AP4S1: variants seen among roughly 807,000 people sequenced by gnomAD.
AP4S1 encodes the protein adaptor related protein complex 4 subunit sigma 1, also known as AP-4 complex subunit sigma-1.
In AP4S1, 23 loss-of-function variants were observed where a neutral mutation model predicts 19.8. The ratio of observed to expected loss-of-function variants is 1.16; its 90% CI spans 0.84 to 1.65. AP4S1 has a LOEUF of 1.65. AP4S1 is among the 40% of genes most tolerant of loss of function. The pLI is 0.00. For synonymous variants in AP4S1, 46 were observed against 54.1 expected (o/e 0.85, Z 0.66); for missense variants, 166 against 172.8 (o/e 0.96, Z 0.22).
At chr14:31,030,265 A>G (rs1272502035) in intron 1 of AP4S1, among the ~76,000 whole-genome samples, 1 of 152,168 alleles carries the variant, frequency 6.6e-6, no homozygotes, top group African/African-American at 2.4e-5. Context: ...GGCCTTATCT[A>G]ATAGTTTTTA....
chr14:31,026,277 AGGCC>A, intron 1 of AP4S1: 1 of 1,286,384 alleles, frequency 7.8e-7, no homozygotes, highest in Non-Finnish European at 9.9e-7. Flanking sequence ...TGCGGGGCGG[AGGCC>A]GGCCGGGAGA....
At chr14:31,028,976 T>G (rs1025322594) in intron 1 of AP4S1, among the ~76,000 whole-genome samples, 1 of 152,210 alleles carries the variant, frequency 6.6e-6, no homozygotes, top group Non-Finnish European at 1.5e-5. Flanking sequence ...TTATAACTGG[T>G]AACTTGAGCT....
In AP4S1 at chr14:31,067,284, T is replaced by A. The variant is rs184347030; in HGVS notation, c.138+950T>A. Among the ~76,000 whole-genome samples, 220 of 152,110 alleles carry A rather than the reference T, an allele frequency of 1.4e-3. 1 individual carries two copies. Among genetic ancestry groups the A allele is most frequent in the African/African-American group, 4.8e-3 (201 of 41,478 alleles). On this transcript the variant is annotated intron_variant, in intron 2 of 5. Coordinates refer to ENST00000542754, the MANE Select transcript of AP4S1 (RefSeq NM_001128126.3). ...TTTTTTTAATTTAATAGTTTTTTTT[T>A]ATTATACTTTTAAGTTCTAGGGTAC... is the stretch of plus-strand genomic sequence containing the variant.
rs1887044601 is a variant in AP4S1 at position 31,072,098 on chromosome 14, G to A, written c.226-807G>A. On this transcript the variant is annotated intron_variant, in intron 3 of 5. Transcript: ENST00000542754. ...TGGGATTACAAGCATGTGCCACCAT[G>A]CCCAGCTAATTTTTGTATTTTTAGT... 3.3e-5 allele frequency among the ~76,000 whole-genome samples: 5 copies of A among 151,388 alleles called. No homozygotes were observed. In the South Asian group the frequency reaches 1.0e-3, roughly 32 times the overall value.
chr14:31,055,889 G>A (rs1446355788), intron 1 of AP4S1, among the ~76,000 whole-genome samples: 1 of 151,040 alleles, frequency 6.6e-6, no homozygotes, highest in Non-Finnish European at 1.5e-5. Flanking sequence ...TGTTACCCAG[G>A]CTGGAGTGCA....
intron 4 of AP4S1, among the ~76,000 whole-genome samples, chr14:31,074,345 A>G (rs1594696120): frequency 1.4e-5 from 2 of 140,820 alleles, no homozygotes; most frequent in East Asian, 4.3e-4. Flanking sequence ...ATAAATAAAT[A>G]AATAAATAAA....
At chr14:31,047,309 C>T (rs1442037317) in intron 1 of AP4S1, among the ~76,000 whole-genome samples, 2 of 150,268 alleles carry the variant, frequency 1.3e-5, no homozygotes, top group Non-Finnish European at 3.0e-5. Flanking sequence ...TTAATAGTGT[C>T]TTACGTGGGT....
chr14:31,078,530 A>G (rs541603389), intron 4 of AP4S1, among the ~76,000 whole-genome samples: 47 of 152,298 alleles, frequency 3.1e-4, no homozygotes, highest in Middle Eastern at 6.8e-3. Context: ...GCTGACCATG[A>G]TTAGCCATTT....
At chr14:31,070,623 A>C (rs1369220152) in intron 3 of AP4S1, among the ~76,000 whole-genome samples, 1 of 152,224 alleles carries the variant, frequency 6.6e-6, no homozygotes, top group African/African-American at 2.4e-5. Context: ...GGATTAGATC[A>C]GGAGCTTGCA....
At chr14:31,032,337 C>T (rs574172759) in intron 1 of AP4S1, among the ~76,000 whole-genome samples, 1 of 152,042 alleles carries the variant, frequency 6.6e-6, no homozygotes, top group African/African-American at 2.4e-5. Context: ...AGGAACTTTT[C>T]GTATTTCATG....
At chr14:31,076,597 C>G (rs141486184) in intron 4 of AP4S1, among the ~76,000 whole-genome samples, 1,571 of 152,250 alleles carry the variant, frequency 0.01, 26 homozygotes, top group African/African-American at 0.034. Context: ...AAAATATTTT[C>G]TCCCATTCCT....
Position 31,039,878 on chromosome 14 carries a change from C to T in AP4S1, c.-72+14091C>T, listed in dbSNP as rs190968831. On this transcript the variant is annotated intron_variant, in intron 1 of 5. Coordinates refer to ENST00000542754, the MANE Select transcript of AP4S1 (RefSeq NM_001128126.3). ...TGCTGGGATTACAGGCGTGAGCCAC[C>T]GCGCCCGGCCAATAGGTGTAGTTTT... 2.4e-3 allele frequency among the ~76,000 whole-genome samples: 364 copies of T among 152,144 alleles called. 3 individuals carry two copies. Among genetic ancestry groups the T allele is most frequent in the African/African-American group, 8.4e-3 (347 of 41,518 alleles).
chr14:31,082,074 A>G (rs1184767512), intron 5 of AP4S1, among the ~76,000 whole-genome samples: 1 of 152,102 alleles, frequency 6.6e-6, no homozygotes, highest in African/African-American at 2.4e-5. Flanking sequence ...TTTCTGGGGA[A>G]ATTGCTATTT....
chr14:31,078,014 G>A (rs1321838114), intron 4 of AP4S1, among the ~76,000 whole-genome samples: 2 of 152,148 alleles, frequency 1.3e-5, no homozygotes, highest in East Asian at 1.9e-4. Context: ...GATTACAGGC[G>A]TGAGCCACCG....
At chr14:31,072,745 G>C (rs1179669384) in intron 3 of AP4S1, among the ~76,000 whole-genome samples, 160 bp from the exon 4 acceptor site, 1 of 152,204 alleles carries the variant, frequency 6.6e-6, no homozygotes, top group Non-Finnish European at 1.5e-5. Context: ...GTGAGTGATA[G>C]AACTGTTCTG....
chr14:31,035,563 A>T (rs79767107), intron 1 of AP4S1, among the ~76,000 whole-genome samples: 23,183 of 151,044 alleles, frequency 0.15, 1,918 homozygotes, highest in South Asian at 0.25. Context: ...ACAATTTTTT[A>T]AAAAAAAGAT....
Position 31,069,852 on chromosome 14 carries a change from A to G in AP4S1, c.148A>G (p.Ile50Val), listed in dbSNP as rs201008573. The G allele has an allele frequency of 6.2e-7, 1 of 1,612,280 alleles. No homozygotes were observed. Among genetic ancestry groups the G allele is most frequent in the South Asian group, 1.1e-5 (1 of 91,038 alleles). The change falls in exon 3 of 6, where the codon ATT becomes GTT. Residue 50 changes from isoleucine (I) to valine (V), a missense_variant. Ile to Val is a conservative substitution (Grantham distance 29). Coordinates refer to ENST00000542754, the MANE Select transcript of AP4S1 (RefSeq NM_001128126.3). ...ATTGTGTTTTGTCTAGTGCTCTTTC[A>G]TTGAATATAAGGATTTTAAGCTGAT... ...LSRSNEQCSF[I>V]EYKDFKLIYR... is the part of the protein sequence containing the mutation.
chr14:31,050,371 T>G (rs1049434384), intron 1 of AP4S1, among the ~76,000 whole-genome samples: 6 of 152,174 alleles, frequency 3.9e-5, no homozygotes, highest in African/African-American at 1.2e-4. Flanking sequence ...ATTTGTTTAT[T>G]TTTTTACTTG....
intron 5 of AP4S1, among the ~76,000 whole-genome samples, chr14:31,091,236 T>C (rs912607066): frequency 6.6e-6 from 1 of 152,166 alleles, no homozygotes; most frequent in African/African-American, 2.4e-5. Flanking sequence ...AAGAAAGTTA[T>C]CTTGGAGAAG....
Sources: allele counts gnomAD v4.1 joint callset (sites outside exome capture counted in the v4.1 genomes callset), GRCh38; gene constraint gnomAD v4.1.1; transcripts MANE v1.5; gene names NCBI Gene and HGNC (gene_info 2026-07-23, HGNC 2026-07-21).